SKAP2: variants seen among roughly 807,000 people sequenced by gnomAD.
SKAP2 encodes src kinase associated phosphoprotein 2, also known as src kinase-associated phosphoprotein 2.
A neutral mutation model predicts 54.9 loss-of-function variants in SKAP2; 28 were observed. The observed-to-expected ratio is 0.51, with a 90% confidence interval of 0.38 to 0.70. SKAP2 has a LOEUF of 0.70. Among genes scored for constraint, SKAP2 ranks in the 30% least tolerant of loss-of-function variants. SKAP2 has a pLI of 0.00. For missense variants in SKAP2, 356 were observed against 424.1 expected (o/e 0.84, Z 1.41); for synonymous variants, 137 against 134.3 (o/e 1.02, Z -0.14).
chr7:26,760,110 T>A (rs919094270), intron 4 of SKAP2, among the ~76,000 whole-genome samples: 1 of 152,220 alleles, frequency 6.6e-6, no homozygotes, highest in Non-Finnish European at 1.5e-5. Flanking sequence ...GATCTTTTTT[T>A]AGGAATTACA....
chr7:26,842,618 A>G (rs1435403225), intron 4 of SKAP2, among the ~76,000 whole-genome samples: 1 of 151,772 alleles, frequency 6.6e-6, no homozygotes, highest in Non-Finnish European at 1.5e-5. Flanking sequence ...CTTAGTATAA[A>G]TATTCTGTCT....
At chr7:26,803,182 A>G (rs2127985353) in intron 4 of SKAP2, among the ~76,000 whole-genome samples, 1 of 152,314 alleles carries the variant, frequency 6.6e-6, no homozygotes, top group South Asian at 2.1e-4. Context: ...ATGAAGAGAG[A>G]ACACACAGAA....
intron 9 of SKAP2, among the ~76,000 whole-genome samples, chr7:26,693,550 G>A (rs996831846): frequency 6.6e-6 from 1 of 152,026 alleles, no homozygotes; most frequent in Non-Finnish European, 1.5e-5. Context: ...GTGTCAGAGA[G>A]CTTTGTTCTT....
chr7:26,707,968 A>T (rs1254640911), intron 9 of SKAP2, among the ~76,000 whole-genome samples: 1 of 152,226 alleles, frequency 6.6e-6, no homozygotes, highest in Non-Finnish European at 1.5e-5. Context: ...TAAGAAAAAC[A>T]CTTCCAGAAC....
At chr7:26,734,591 AT>A (rs1480478304) in intron 6 of SKAP2, among the ~76,000 whole-genome samples, 1 of 152,140 alleles carries the variant, frequency 6.6e-6, no homozygotes, top group African/African-American at 2.4e-5. Context: ...ATAGAAATTT[AT>A]TTCTCACAGT....
At chr7:26,740,812 C>T (rs1035073631) in intron 4 of SKAP2, among the ~76,000 whole-genome samples, 1 of 151,990 alleles carries the variant, frequency 6.6e-6, no homozygotes, top group Non-Finnish European at 1.5e-5. Context: ...ACAGTGAAAC[C>T]TGGTCTCTAC....
chr7:26,778,276 A>G (rs1018546710), intron 4 of SKAP2, among the ~76,000 whole-genome samples: 1 of 152,110 alleles, frequency 6.6e-6, no homozygotes, highest in Non-Finnish European at 1.5e-5. Context: ...TTGGGGAAAT[A>G]CGACATTTAA....
chr7:26,683,425 G>C (rs758258607), intron 11 of SKAP2, among the ~76,000 whole-genome samples: 12 of 152,122 alleles, frequency 7.9e-5, no homozygotes, highest in Non-Finnish European at 1.5e-4. Flanking sequence ...TAAGTGACCA[G>C]CCTTAGCTTT....
intron 9 of SKAP2, among the ~76,000 whole-genome samples, chr7:26,703,224 C>A (rs1787082862): frequency 2.0e-5 from 3 of 152,064 alleles, no homozygotes; most frequent in Admixed American, 1.3e-4. Flanking sequence ...ACTAACAATA[C>A]CTGATGAGCT....
chr7:26,687,526 C>T (rs773674398), intron 10 of SKAP2, among the ~76,000 whole-genome samples: 4 of 151,228 alleles, frequency 2.6e-5, no homozygotes, highest in Admixed American at 6.6e-5. Context: ...CAGAAAAAAT[C>T]GTAAGTAGGG....
intron 9 of SKAP2, among the ~76,000 whole-genome samples, chr7:26,719,019 A>T (rs1477783855): frequency 6.6e-6 from 1 of 152,034 alleles, no homozygotes; most frequent in African/African-American, 2.4e-5. Context: ...TTTCTACAAA[A>T]TTAAAAACTA....
chr7:26,825,791 T>G (rs1584412469), intron 4 of SKAP2, among the ~76,000 whole-genome samples: 2 of 152,300 alleles, frequency 1.3e-5, no homozygotes, highest in East Asian at 3.9e-4. Context: ...TTTAACCTAC[T>G]GCATAAACAT....
chr7:26,780,292 G>A (rs1476368038), intron 4 of SKAP2, among the ~76,000 whole-genome samples: 1 of 152,080 alleles, frequency 6.6e-6, no homozygotes, highest in Admixed American at 6.6e-5. Context: ...TATTATTGTG[G>A]TAAAGTTGTT....
intron 4 of SKAP2, among the ~76,000 whole-genome samples, chr7:26,800,253 G>C (rs1393558344): frequency 6.6e-6 from 1 of 152,068 alleles, no homozygotes; most frequent in Non-Finnish European, 1.5e-5. Flanking sequence ...AAATTAAACA[G>C]TATACTCTTG....
chr7:26,662,351 A>G (rs1410572178), downstream of SKAP2, among the ~76,000 whole-genome samples: 1 of 152,156 alleles, frequency 6.6e-6, no homozygotes, highest in Non-Finnish European at 1.5e-5. Flanking sequence ...ATACATAAGG[A>G]AAGATTCCCA....
intron 11 of SKAP2, among the ~76,000 whole-genome samples, chr7:26,672,281 TACTC>T (rs1205468484): frequency 6.6e-5 from 10 of 152,180 alleles, no homozygotes; most frequent in Middle Eastern, 6.8e-3. Flanking sequence ...TTCAAAAAGT[TACTC>T]ACACCCAAAT....
chr7:26,756,938 G>A (rs1357544619), intron 4 of SKAP2, among the ~76,000 whole-genome samples: 1 of 152,198 alleles, frequency 6.6e-6, no homozygotes, highest in African/African-American at 2.4e-5. Context: ...CAGTGATGAT[G>A]AGCATTTTTT....
chr7:26,755,212 T>C (rs3801864), intron 4 of SKAP2, among the ~76,000 whole-genome samples: 93,611 of 151,382 alleles, frequency 0.62, 29,556 homozygotes, highest in East Asian at 0.88. Context: ...ACAAGACTCA[T>C]GGTTCTAATG....
chr7:26,691,307 A>G (rs1786774711), intron 9 of SKAP2, among the ~76,000 whole-genome samples: 1 of 152,232 alleles, frequency 6.6e-6, no homozygotes. Context: ...ACCAAGAAAA[A>G]TATTTATTAC....
Sources: allele counts gnomAD v4.1 joint callset (sites outside exome capture counted in the v4.1 genomes callset), GRCh38; gene constraint gnomAD v4.1.1; transcripts MANE v1.5; gene names NCBI Gene and HGNC (gene_info 2026-07-23, HGNC 2026-07-21).